Variants in GSDME observed in about 807,000 individuals in gnomAD.
GSDME encodes gasdermin-E.
A neutral mutation model predicts 47.5 loss-of-function variants in GSDME; 44 were observed. That is an observed-to-expected ratio of 0.93 (90% CI 0.73 to 1.19). The LOEUF (loss-of-function observed/expected upper bound fraction) is 1.19, where lower values mean the gene tolerates loss of function less well. Ranked by LOEUF, GSDME falls within the 50% of genes most tolerant of loss-of-function variation. The pLI, the probability that GSDME is intolerant of heterozygous loss-of-function variation, is 0.00. For synonymous variants in GSDME, 258 were observed against 252.8 expected, an observed-to-expected ratio of 1.02 and a Z score of -0.20; for missense variants, 663 against 604.2, an observed-to-expected ratio of 1.10 and a Z score of -1.02.
chr7:24,779,566 G>GA, the GSDME span, among the ~76,000 whole-genome samples: 5 of 146,994 alleles, frequency 3.4e-5, no homozygotes, highest in African/African-American at 1.0e-4. This position sits in a 1 kb window ranked among gnomAD's most constrained non-coding sequence, Gnocchi z 6.0. Context: ...TTCATCAGGG[G>GA]AAAAAAAAAG....
upstream of GSDME, among the ~76,000 whole-genome samples, chr7:24,760,092 A>G (rs1365464891): frequency 1.3e-5 from 2 of 152,246 alleles, no homozygotes; most frequent in African/African-American, 4.8e-5. The surrounding 1 kb of genome is among the most constrained non-coding windows in gnomAD (Gnocchi z 4.2). Context: ...GAGTGGTCCT[A>G]ATGATGATGG....
chr7:24,740,092 CA>C (rs35581523), intron 3 of GSDME, among the ~76,000 whole-genome samples: 69,579 of 134,430 alleles, frequency 0.52, 18,315 homozygotes, highest in East Asian at 0.9. Context: ...GACTCCATCT[CA>C]AAAAAAAAAA....
the GSDME span, among the ~76,000 whole-genome samples, chr7:24,794,722 T>C: frequency 0.16 from 24,210 of 152,014 alleles, 2,053 homozygotes; most frequent in East Asian, 0.25. Flanking sequence ...TTCTTTAACA[T>C]AGTTCCTAAT....
chr7:24,706,413 T>C (rs1338539501), intron 7 of GSDME, 37 bp from the exon 8 acceptor site: 1 of 1,598,714 alleles, frequency 6.3e-7, no homozygotes, highest in Non-Finnish European at 8.5e-7. Context: ...ATGACACAGC[T>C]GGAGACCAAG....
At position 24,756,721 on chromosome 7, in the gene GSDME, G is replaced by A. The variant is rs1052229690; in HGVS notation, c.-20+675C>T. ...GGTGCCCTCTAGTCTTTCCCCTCGGGGTGCAGACGGCAAGCGGCTCTGGAA... is the reference window on the plus strand; with the variant it reads ...GGTGCCCTCTAGTCTTTCCCCTCGGAGTGCAGACGGCAAGCGGCTCTGGAA... On this transcript the variant is annotated intron_variant, in intron 1 of 9. Coordinates refer to ENST00000645220, the MANE Select transcript of GSDME (RefSeq NM_001127453.2). The surrounding 1 kb of genome is among the most constrained non-coding windows in gnomAD (Gnocchi z 4.2). Among the ~76,000 whole-genome samples, 2 of 152,160 alleles carry A rather than the reference G, an allele frequency of 1.3e-5. No individual in the cohort carries two copies. Among genetic ancestry groups the A allele is most frequent in the African/African-American group, 2.4e-5 (1 of 41,432 alleles).
intron 5 of GSDME, chr7:24,715,347 C>T (rs538112655): frequency 4.7e-5 from 20 of 421,406 alleles, no homozygotes; most frequent in South Asian, 3.6e-4. Context: ...TAAGTGTCCT[C>T]ACCACACACA....
At chr7:24,763,356 T>A in the GSDME span, among the ~76,000 whole-genome samples, 1 of 151,736 alleles carries the variant, frequency 6.6e-6, no homozygotes, top group Non-Finnish European at 1.5e-5. The surrounding 1 kb of genome is among the most constrained non-coding windows in gnomAD (Gnocchi z 4.3). Flanking sequence ...ATATCCCAAT[T>A]GCCCGCATCA....
chr7:24,755,328 CTAA>C (rs1367443068), intron 1 of GSDME, among the ~76,000 whole-genome samples: 1 of 152,184 alleles, frequency 6.6e-6, no homozygotes, highest in East Asian at 1.9e-4. Flanking sequence ...ATTAGCAGTC[CTAA>C]TGAGTGACTG....
intron 3 of GSDME, among the ~76,000 whole-genome samples, chr7:24,729,915 G>A (rs116587513): frequency 0.012 from 1,756 of 152,290 alleles, 41 homozygotes; most frequent in African/African-American, 0.04. Flanking sequence ...GTAAGAGATG[G>A]TTGGTGGAGG....
rs550528129 is a variant in GSDME at position 24,726,060 on chromosome 7, G to A, written c.405-6842C>T. ...CAGGCAGAGATGGAGGGAGGGAAGC[G>A]TGGCTCAGAGCCCAGCGTGGTTGCT... On this transcript the variant is annotated intron_variant, in intron 3 of 9. Coordinates refer to ENST00000645220, the MANE Select transcript of GSDME (RefSeq NM_001127453.2). This position sits in a 1 kb window ranked among gnomAD's most constrained non-coding sequence, Gnocchi z 5.6. Among the ~76,000 whole-genome samples the A allele has an allele frequency of 2.6e-5, 4 of 152,234 alleles. No homozygotes were observed. Among genetic ancestry groups the A allele is most frequent in the Admixed American group, 6.5e-5 (1 of 15,302 alleles).
Position 24,757,123 on chromosome 7 carries a change from G to C in GSDME, c.-20+273C>G, listed in dbSNP as rs376686591. 2.0e-5 allele frequency among the ~76,000 whole-genome samples: 3 copies of C among 152,204 alleles called. No homozygotes were observed. In the East Asian group the frequency reaches 5.8e-4, roughly 29 times the overall value. ...AGCGGGGACGGGGAGAGGATGGGAAGGGGATGCTGACTGCGAGTTGGGGCG... is the reference window on the plus strand; with the variant it reads ...AGCGGGGACGGGGAGAGGATGGGAACGGGATGCTGACTGCGAGTTGGGGCG... On this transcript the variant is annotated intron_variant, in intron 1 of 9. Transcript: ENST00000645220. The surrounding 1 kb of genome is among the most constrained non-coding windows in gnomAD (Gnocchi z 5.9).
intron 3 of GSDME, among the ~76,000 whole-genome samples, chr7:24,741,793 C>T (rs891731064): frequency 1.3e-5 from 2 of 152,118 alleles, no homozygotes; most frequent in Admixed American, 6.5e-5. Context: ...AGGCAGACAA[C>T]GTGGATAAGA....
the GSDME span, among the ~76,000 whole-genome samples, chr7:24,778,139 T>C: frequency 7.2e-3 from 1,084 of 151,248 alleles, 11 homozygotes; most frequent in African/African-American, 0.024. This position sits in a 1 kb window ranked among gnomAD's most constrained non-coding sequence, Gnocchi z 5.6. Context: ...GTAGTGGCGT[T>C]AGAATGGATT....
At position 24,711,126 on chromosome 7, in the gene GSDME, A is replaced by G. The variant is rs560617472; in HGVS notation, c.698-738T>C. Among the ~76,000 whole-genome samples the G allele has an allele frequency of 5.9e-5, 9 of 152,358 alleles. No individual in the cohort carries two copies. In the South Asian group the frequency reaches 1.9e-3, roughly 32 times the overall value. ...TTATGGCTAAAACATGAATTGCCCT[A>G]GTCACTGAAGCTGGATGGTGGGCAC... On this transcript the variant is annotated intron_variant, in intron 5 of 9. Coordinates refer to ENST00000645220, the MANE Select transcript of GSDME (RefSeq NM_001127453.2).
chr7:24,752,470 C>T (rs1790888095), intron 1 of GSDME, among the ~76,000 whole-genome samples: 1 of 152,126 alleles, frequency 6.6e-6, no homozygotes, highest in Non-Finnish European at 1.5e-5. Context: ...TAGAGATGGA[C>T]AAAGATGACA....
the GSDME span, among the ~76,000 whole-genome samples, chr7:24,770,957 G>C: frequency 1.3e-5 from 2 of 151,020 alleles, no homozygotes; most frequent in African/African-American, 4.9e-5. The surrounding 1 kb of genome is among the most constrained non-coding windows in gnomAD (Gnocchi z 4.6). Context: ...TATAAGAAGA[G>C]AGAGAGAGAG....
Position 24,749,630 on chromosome 7 carries a change from G to A in GSDME, c.145C>T (p.Pro49Ser), listed in dbSNP as rs753257338. The part of the protein sequence containing the change: ...KKKRFWCWQR[P>S]KYQFLSLTLG... ...GTGAGGGATAAAAACTGGTACTTGGGTCTCTGCCAGCACCAGAATCTCTTC... is the reference window on the plus strand; with the variant it reads ...GTGAGGGATAAAAACTGGTACTTGGATCTCTGCCAGCACCAGAATCTCTTC... The change falls in exon 2 of 10, where the codon CCC becomes TCC. Residue 49 changes from proline (P) to serine (S), a missense_variant. Physicochemically the swap from Pro to Ser is moderately conservative, Grantham distance 74. Coordinates refer to ENST00000645220, the MANE Select transcript of GSDME (RefSeq NM_001127453.2). 1 of 1,614,026 alleles carries A rather than the reference G, an allele frequency of 6.2e-7. No individual in the cohort carries two copies. The highest frequency in any genetic ancestry group is 8.5e-7 in the Non-Finnish European group (1 of 1,180,012).
the GSDME span, among the ~76,000 whole-genome samples, chr7:24,784,014 G>A: frequency 3.3e-5 from 5 of 152,270 alleles, no homozygotes; most frequent in East Asian, 3.9e-4. Flanking sequence ...ACTGGCAGGC[G>A]TTCTCTGTGG....
At chr7:24,720,933 T>G (rs1789758209) in intron 3 of GSDME, among the ~76,000 whole-genome samples, 1 of 151,106 alleles carries the variant, frequency 6.6e-6, no homozygotes. Flanking sequence ...GAAGTGAAGT[T>G]CTGACATCTG....
Sources: gnomAD v4.1 joint callset for allele counts (sites outside exome capture counted in the v4.1 genomes callset) on GRCh38, gnomAD v4.1.1 for gene constraint, Gnocchi (gnomAD v3.1) non-coding constraint, MANE v1.5 for transcripts, NCBI Gene and HGNC (gene_info 2026-07-23, HGNC 2026-07-21) for gene names.